The following PSD3 variants were observed in gnomAD, a reference collection of about 807,000 sequenced individuals.
The protein encoded by PSD3 is PH and SEC7 domain-containing protein 3.
In PSD3, 49 loss-of-function variants were observed where a neutral mutation model predicts 105.5. The observed-to-expected ratio is 0.46, with a 90% confidence interval of 0.37 to 0.59. The LOEUF is 0.59. PSD3 is among the 20% of genes least tolerant of loss of function. PSD3 has a pLI of 0.00. For missense variants in PSD3, 1,561 were observed against 1,263.8 expected, an observed-to-expected ratio of 1.24 and a Z score of -3.57; for synonymous variants, 557 against 457.8, an observed-to-expected ratio of 1.22 and a Z score of -2.77.
intron 2 of PSD3, among the ~76,000 whole-genome samples, chr8:18,904,134 C>T (rs1819685669): frequency 6.6e-6 from 1 of 152,072 alleles, no homozygotes; most frequent in Admixed American, 6.5e-5. Flanking sequence ...ACTCATGGTA[C>T]ATGGCAAAGG....
At chr8:19,071,835 G>A (rs915315052) in intron 1 of PSD3, among the ~76,000 whole-genome samples, 7 of 151,278 alleles carry the variant, frequency 4.6e-5, no homozygotes, top group African/African-American at 1.2e-4. Flanking sequence ...TCACCCTCCC[G>A]AGTATCTGGG....
intron 9 of PSD3, among the ~76,000 whole-genome samples, chr8:18,672,518 CA>C (rs766755380): frequency 4.6e-5 from 7 of 152,154 alleles, no homozygotes; most frequent in Non-Finnish European, 1.0e-4. Context: ...CAGTGGATAG[CA>C]GGCTTCAAAT....
At chr8:18,613,671 C>G (rs1805443936) in intron 11 of PSD3, among the ~76,000 whole-genome samples, 1 of 152,160 alleles carries the variant, frequency 6.6e-6, no homozygotes, top group African/African-American at 2.4e-5. Context: ...TCAGTTAGGT[C>G]TCTGCTCAAA....
chr8:18,934,528 A>G (rs1453526159), intron 2 of PSD3, among the ~76,000 whole-genome samples: 1 of 152,026 alleles, frequency 6.6e-6, no homozygotes, highest in Non-Finnish European at 1.5e-5. Context: ...CTCCTGCCTC[A>G]GCCTCCCGAG....
chr8:18,565,834 G>C (rs76994817), intron 14 of PSD3, among the ~76,000 whole-genome samples: 11,971 of 152,066 alleles, frequency 0.079, 1,105 homozygotes, highest in African/African-American at 0.22. Flanking sequence ...GAAGATATTT[G>C]GCAATGTCTG....
intron 9 of PSD3, among the ~76,000 whole-genome samples, chr8:18,740,700 G>T (rs868705143): frequency 5.3e-5 from 8 of 152,232 alleles, no homozygotes; most frequent in South Asian, 2.1e-4. Context: ...GACCCTACCA[G>T]GTACTTAAAT....
At chr8:18,615,449 T>C (rs957830104) in intron 11 of PSD3, among the ~76,000 whole-genome samples, 6 of 152,116 alleles carry the variant, frequency 3.9e-5, no homozygotes, top group African/African-American at 1.4e-4. Context: ...CGCTCACCAT[T>C]GTTCCATCTG....
At chr8:19,022,247 T>C (rs1249157845) in intron 1 of PSD3, among the ~76,000 whole-genome samples, 1 of 152,184 alleles carries the variant, frequency 6.6e-6, no homozygotes, top group Non-Finnish European at 1.5e-5. Context: ...ACCTCTGACA[T>C]TGGGAATCAC....
chr8:18,729,783 C>A (rs1224352882), intron 9 of PSD3, among the ~76,000 whole-genome samples: 4 of 151,538 alleles, frequency 2.6e-5, no homozygotes, highest in African/African-American at 7.2e-5. Flanking sequence ...AAATCCTTCA[C>A]ATCCCTATCT....
At chr8:18,987,593 G>A (rs1337446539) in intron 1 of PSD3, among the ~76,000 whole-genome samples, 2 of 151,998 alleles carry the variant, frequency 1.3e-5, no homozygotes, top group Non-Finnish European at 1.5e-5. Context: ...ACAAGGCAGA[G>A]GATCATTTGA....
intron 8 of PSD3, among the ~76,000 whole-genome samples, chr8:18,793,771 T>A (rs1303937133): frequency 1.3e-5 from 2 of 152,172 alleles, no homozygotes; most frequent in Non-Finnish European, 2.9e-5. Context: ...AGGGAAGATA[T>A]TATCCTGCAG....
chr8:19,018,359 T>TAAA (rs33971629), upstream of PSD3, among the ~76,000 whole-genome samples: 601 of 149,796 alleles, frequency 4.0e-3, 2 homozygotes, highest in African/African-American at 0.014. Context: ...ATGCTCTTTT[T>TAAA]AAAAAAAAAA....
chr8:18,584,449 G>A (rs1038177977), intron 12 of PSD3, among the ~76,000 whole-genome samples: 2 of 152,168 alleles, frequency 1.3e-5, no homozygotes, highest in African/African-American at 4.8e-5. Context: ...TATTAGCTTG[G>A]CTAGTACCAT....
intron 14 of PSD3, 74 bp from the exon 15 acceptor site, chr8:18,556,426 A>C: frequency 6.8e-7 from 1 of 1,473,954 alleles, no homozygotes. Flanking sequence ...ATACTTTAAA[A>C]AATCCCCTGT....
chr8:19,058,953 C>T (rs188031978), intron 1 of PSD3, among the ~76,000 whole-genome samples: 1 of 152,312 alleles, frequency 6.6e-6, no homozygotes, highest in Non-Finnish European at 1.5e-5. Context: ...CCCTCGCGTT[C>T]ACTCTTCAAA....
chr8:19,051,657 C>A (rs1328501172), intron 1 of PSD3, among the ~76,000 whole-genome samples: 1 of 152,166 alleles, frequency 6.6e-6, no homozygotes, highest in Non-Finnish European at 1.5e-5. Flanking sequence ...TAACTACCTG[C>A]AGAACGATTT....
intron 2 of PSD3, among the ~76,000 whole-genome samples, chr8:18,930,540 T>C (rs768683551): frequency 2.0e-5 from 3 of 151,796 alleles, no homozygotes; most frequent in Non-Finnish European, 2.9e-5. Context: ...ACAGAACGTA[T>C]ATCTTTAACT....
intron 4 of PSD3, 85 bp from the exon 5 acceptor site, chr8:18,804,983 C>A (rs1313381579): frequency 6.7e-6 from 8 of 1,185,480 alleles, no homozygotes; most frequent in Non-Finnish European, 9.5e-6. Context: ...TGATAGTTTT[C>A]TTTTAGTTCA....
At chr8:18,626,334 C>T (rs996412870) in intron 11 of PSD3, among the ~76,000 whole-genome samples, 3 of 137,804 alleles carry the variant, frequency 2.2e-5, no homozygotes, top group South Asian at 4.6e-4. Context: ...AATAACCTTT[C>T]CATGCAGCTT....
Sources: allele counts gnomAD v4.1 joint callset (sites outside exome capture counted in the v4.1 genomes callset), GRCh38; gene constraint gnomAD v4.1.1; transcripts MANE v1.5; gene names NCBI Gene and HGNC (gene_info 2026-07-23, HGNC 2026-07-21).